Variants in SLC38A2 observed in about 807,000 individuals in gnomAD.
SLC38A2 encodes sodium-coupled neutral amino acid symporter 2.
SLC38A2 carries 11 observed loss-of-function variants against 61.5 expected under a neutral mutation model. That is an observed-to-expected ratio of 0.18 (90% CI 0.11 to 0.30). The LOEUF (loss-of-function observed/expected upper bound fraction) is 0.30. SLC38A2 is among the 10% of genes least tolerant of loss of function. The probability of loss-of-function intolerance (pLI) is 1.00; values close to 1 mark genes in which losing one functional copy is unlikely to be tolerated. For synonymous variants in SLC38A2, 217 were observed against 212.5 expected (o/e 1.02, Z -0.18); for missense variants, 522 against 600.4 (o/e 0.87, Z 1.36).
At chr12:46,363,167 A>G (rs757679676) in intron 12 of SLC38A2, 22 bp from the exon 13 acceptor site, 94 of 1,607,038 alleles carry the variant, frequency 5.8e-5, no homozygotes, top group Non-Finnish European at 7.0e-5. Flanking sequence ...GACCAAAAAA[A>G]CTTTGATTGG....
rs765141045 is a variant in SLC38A2, at chr12:46,370,575, A to C, written c.251T>G (p.Ile84Ser). 1 of 1,614,200 alleles carries C rather than the reference A, an allele frequency of 6.2e-7. No homozygotes were observed. The highest frequency in any genetic ancestry group is 1.1e-5 in the South Asian group (1 of 91,082). The change falls in exon 4 of 16, where the codon ATT (isoleucine) becomes AGT (serine). Residue 84 changes from isoleucine (I) to serine (S), a missense_variant. Ile to Ser is a moderately radical substitution (Grantham distance 142). Coordinates refer to ENST00000256689, the MANE Select transcript of SLC38A2 (RefSeq NM_018976.5). ...AAGCCCAAGGATTCCACTGCCCACA[A>C]TCGCATTGCTCAGATTAAATACTGA... ...GMSVFNLSNA[I>S]VGSGILGLSY...
At chr12:46,371,913 G>C (rs867990658) in intron 1 of SLC38A2, among the ~76,000 whole-genome samples, 1 of 152,176 alleles carries the variant, frequency 6.6e-6, no homozygotes, top group Non-Finnish European at 1.5e-5. Context: ...CTCCTCTCTC[G>C]AGGGGGGCGA....
intron 4 of SLC38A2, among the ~76,000 whole-genome samples, chr12:46,368,401 A>T (rs1470051303): frequency 6.6e-6 from 1 of 152,104 alleles, no homozygotes; most frequent in African/African-American, 2.4e-5. Flanking sequence ...AAAATAAATA[A>T]ATAAGGTAAC....
intron 1 of SLC38A2, among the ~76,000 whole-genome samples, chr12:46,371,970 G>A (rs1290829835): frequency 1.3e-5 from 2 of 152,022 alleles, no homozygotes; most frequent in Non-Finnish European, 2.9e-5. Flanking sequence ...ACGCGCGCCA[G>A]TGCCCTCAAG....
At position 46,370,624 on chromosome 12, in the gene SLC38A2, G is replaced by T. The variant is rs1943185562; in HGVS notation, c.202C>A (p.Pro68Thr). The T allele has an allele frequency of 6.2e-7, 1 of 1,610,792 alleles. No individual in the cohort carries two copies. Among genetic ancestry groups the T allele is most frequent in the Non-Finnish European group, 8.5e-7 (1 of 1,176,942 alleles). The change falls in exon 4 of 16, where the codon CCA (proline) becomes ACA (threonine). Residue 68 changes from proline to threonine, a missense_variant. Transcript: ENST00000256689. Reference protein sequence around the residue: ...GKKKYETEFHPGTTSFGMSVF... With the variant: ...GKKKYETEFHTGTTSFGMSVF... The stretch of plus-strand genomic sequence containing the variant: ...GACATTCCAAAGGAAGTAGTACCTG[G>T]ATGCTACATAGAGGGAAAACGATAA...
At chr12:46,369,192 T>C (rs575642575) in intron 4 of SLC38A2, among the ~76,000 whole-genome samples, 1 of 152,330 alleles carries the variant, frequency 6.6e-6, no homozygotes, top group South Asian at 2.1e-4. Flanking sequence ...TGCCTCCAGT[T>C]TTTATACCAA....
chr12:46,372,491 C>T lies in SLC38A2; in HGVS notation c.-87+18G>A, dbSNP rs953164566. ...GGGCCCCGCGCCCTTCCCACAGACG[C>T]CCCCCCGCACGCGTTACCTCGGTGG... On this transcript the variant is annotated intron_variant, in intron 1 of 15. Coordinates refer to ENST00000256689, the MANE Select transcript of SLC38A2 (RefSeq NM_018976.5). 2 of 383,040 alleles carry T rather than the reference C, an allele frequency of 5.2e-6. No individual in the cohort carries two copies. The highest frequency in any genetic ancestry group is 9.0e-5 in the Admixed American group (2 of 22,142). The allele number at this position is 383,040 out of a possible 1,614,324, so 23.7% of individuals were successfully genotyped here.
chr12:46,369,071 A>T (rs1276479748), intron 4 of SLC38A2, among the ~76,000 whole-genome samples: 2 of 152,248 alleles, frequency 1.3e-5, no homozygotes, highest in Non-Finnish European at 2.9e-5. Context: ...TTAAAGTATA[A>T]TTCCAAGAGT....
intron 7 of SLC38A2, among the ~76,000 whole-genome samples, chr12:46,365,620 T>A (rs1592204748): frequency 6.6e-6 from 1 of 152,262 alleles, no homozygotes; most frequent in Admixed American, 6.5e-5. Context: ...TTAAAACAAG[T>A]TTTTTTCCAG....
chr12:46,364,209 C>T (rs953963500), intron 10 of SLC38A2, among the ~76,000 whole-genome samples, 180 bp downstream of exon 10: 1 of 152,050 alleles, frequency 6.6e-6, no homozygotes, highest in Non-Finnish European at 1.5e-5. Context: ...ATATGATTAT[C>T]TCAATTCTCA....
rs779112934 is a variant in SLC38A2, at chr12:46,361,065, C to T, written c.*46G>A. 1 of 1,464,944 alleles carries T rather than the reference C, an allele frequency of 6.8e-7. No individual in the cohort carries two copies. The highest frequency in any genetic ancestry group is 1.2e-5 in the South Asian group (1 of 85,994). 90.7% of individuals were successfully genotyped at this position (1,464,944 alleles called of 1,614,324 possible). A position where few individuals can be genotyped will look rare whatever the true frequency, so the allele number is the denominator to read the frequency against. On this transcript the variant is annotated 3_prime_UTR_variant, in exon 16 of 16. Transcript: ENST00000256689. ...AAATTTCATAGTAGTTGAGTTTACT[C>T]AACACTGGCATCAGATGGACTGAGT...
chr12:46,370,494 C>T lies in SLC38A2; in HGVS notation c.314+18G>A. Reference sequence around the variant, plus strand: ...GTAACTGCCCTGCATGGCAGACTCACTACTTACACATACTTACATAAAAAG... The same window carrying T: ...GTAACTGCCCTGCATGGCAGACTCATTACTTACACATACTTACATAAAAAG... On this transcript the variant is annotated intron_variant, in intron 4 of 15. Coordinates refer to ENST00000256689, the MANE Select transcript of SLC38A2 (RefSeq NM_018976.5). The T allele has an allele frequency of 1.3e-6, 2 of 1,571,506 alleles. No individual in the cohort carries two copies. The highest frequency in any genetic ancestry group is 1.8e-6 in the Non-Finnish European group (2 of 1,141,336).
chr12:46,370,486 C>T, intron 4 of SLC38A2, 26 bp downstream of exon 4: 1 of 1,534,664 alleles, frequency 6.5e-7, no homozygotes, highest in Non-Finnish European at 9.0e-7. Flanking sequence ...CCCTGCATGG[C>T]AGACTCACTA....
rs561502620 is a variant in SLC38A2, at chr12:46,372,497, C to T, written c.-87+12G>A. The T allele has an allele frequency of 2.6e-5, 10 of 388,862 alleles. No individual in the cohort carries two copies. Among genetic ancestry groups the T allele is most frequent in the East Asian group, 1.1e-4 (3 of 27,618 alleles). 24.1% of individuals were successfully genotyped at this position (388,862 alleles called of 1,614,324 possible). On this transcript the variant is annotated intron_variant, in intron 1 of 15. Transcript: ENST00000256689. Reference sequence around the variant, plus strand: ...CGCGCCCTTCCCACAGACGCCCCCCCGCACGCGTTACCTCGGTGGTCTCTA... The same window carrying T: ...CGCGCCCTTCCCACAGACGCCCCCCTGCACGCGTTACCTCGGTGGTCTCTA...
At position 46,363,809 on chromosome 12, in the gene SLC38A2, A is replaced by ATTC; in HGVS notation, c.968_970dup (p.Arg323dup). 6.3e-7 allele frequency: 1 copy of ATTC among 1,595,676 alleles called. No individual in the cohort carries two copies. The highest frequency in any genetic ancestry group is 8.5e-7 in the Non-Finnish European group (1 of 1,173,978). On this transcript the variant is annotated inframe_insertion, in exon 12 of 16. Coordinates refer to ENST00000256689, the MANE Select transcript of SLC38A2 (RefSeq NM_018976.5). Reference sequence around the variant, plus strand: ...AAATGAAATCTTGGACACATTCATCATTCTTCTACGGCTGCGGCTATGTAA... The same window carrying ATTC: ...AAATGAAATCTTGGACACATTCATCATTCTTCTTCTACGGCTGCGGCTATGTAA...
intron 4 of SLC38A2, among the ~76,000 whole-genome samples, chr12:46,368,922 C>T (rs1943166509): frequency 6.6e-6 from 1 of 152,196 alleles, no homozygotes; most frequent in African/African-American, 2.4e-5. Context: ...TGCTGAAGTG[C>T]ACCGTGGCAG....
In SLC38A2 at chr12:46,372,465, C is replaced by A. The variant is rs370493507; in HGVS notation, c.-87+44G>T. ...CGGAAGCCCCTCCCCCACTCTCGCC[C>A]GGGCCCCGCGCCCTTCCCACAGACG... On this transcript the variant is annotated intron_variant, in intron 1 of 15. Transcript: ENST00000256689. 9.4e-5 allele frequency: 36 copies of A among 381,690 alleles called. No homozygotes were observed. In the South Asian group the frequency reaches 4.9e-3, roughly 52 times the overall value. The allele number at this position is 381,690 out of a possible 1,614,324, so 23.6% of individuals were successfully genotyped here. A position where few individuals can be genotyped will look rare whatever the true frequency, so the allele number is the denominator to read the frequency against.
Position 46,362,475 on chromosome 12 carries a change from G to T in SLC38A2, c.1324+19C>A, listed in dbSNP as rs769227782. On this transcript the variant is annotated intron_variant, in intron 14 of 15. Transcript: ENST00000256689. Reference sequence around the variant, plus strand: ...AATCCCTGATGTTTGAATCCACTTGGATACTTTCTAAAACTTACCAATAAA... The same window carrying T: ...AATCCCTGATGTTTGAATCCACTTGTATACTTTCTAAAACTTACCAATAAA... The T allele has an allele frequency of 6.3e-7, 1 of 1,595,206 alleles. No individual in the cohort carries two copies. Among genetic ancestry groups the T allele is most frequent in the Non-Finnish European group, 8.5e-7 (1 of 1,173,988 alleles).
chr12:46,371,383 CG>C lies in SLC38A2; in HGVS notation c.-86-5del, dbSNP rs1253237841. 1.9e-6 allele frequency: 2 copies of C among 1,051,684 alleles called. No individual in the cohort carries two copies. The highest frequency in any genetic ancestry group is 2.9e-6 in the Non-Finnish European group (2 of 691,490). 65.1% of individuals were successfully genotyped at this position (1,051,684 alleles called of 1,614,324 possible). On this transcript the variant is annotated splice_polypyrimidine_tract_variant and splice_region_variant and intron_variant, in intron 1 of 15. Transcript: ENST00000256689. ...GTGCAGCGGCCCGCGAGTCGGCCTG[CG>C]AAAGTAGAGGCGGCGCGTCAGGACC...
Sources: gnomAD v4.1 joint callset for allele counts (sites outside exome capture counted in the v4.1 genomes callset) on GRCh38, gnomAD v4.1.1 for gene constraint, MANE v1.5 for transcripts, NCBI Gene and HGNC (gene_info 2026-07-23, HGNC 2026-07-21) for gene names.